The following CEP112 variants were observed in gnomAD, a reference collection of about 807,000 sequenced individuals.
CEP112 encodes centrosomal protein of 112 kDa.
CEP112 carries 127 observed loss-of-function variants against 153.0 expected under a neutral mutation model. The observed-to-expected ratio is 0.83, with a 90% CI of 0.72 to 0.96. CEP112 has a LOEUF of 0.96. Ranked by LOEUF, CEP112 falls within the 40% of genes least tolerant of loss-of-function variation. The probability of loss-of-function intolerance (pLI) is 0.00; values close to 1 mark genes in which losing one functional copy is unlikely to be tolerated. For missense variants in CEP112, 1,089 were observed against 1,101.2 expected (o/e 0.99, Z 0.16); for synonymous variants, 358 against 374.4 (o/e 0.96, Z 0.51).
rs576567896 is a variant in CEP112, at chr17:66,138,073, A to G, written c.471-5310T>C. 5.4e-3 allele frequency among the ~76,000 whole-genome samples: 826 copies of G among 152,298 alleles called. 6 individuals are homozygous for G. Among genetic ancestry groups the G allele is most frequent in the Non-Finnish European group, 7.2e-3 (490 of 68,036 alleles). On this transcript the variant is annotated intron_variant, in intron 4 of 26. Coordinates refer to ENST00000535342, the MANE Select transcript of CEP112 (RefSeq NM_001199165.4). ...CACAGAAAGTCAATCAATGAGATCA[A>G]TGAGACAATGAGTATTGCTAGGGAA... is the stretch of plus-strand genomic sequence containing the variant.
chr17:66,131,126 G>A (rs1313325487), intron 5 of CEP112, among the ~76,000 whole-genome samples: 1 of 152,064 alleles, frequency 6.6e-6, no homozygotes, highest in Non-Finnish European at 1.5e-5. Flanking sequence ...TTACTATGAA[G>A]TAATTTTTTT....
At chr17:65,970,357 GCCTATA>G (rs2062644992) in intron 17 of CEP112, among the ~76,000 whole-genome samples, 1 of 67,464 alleles carries the variant, frequency 1.5e-5, no homozygotes, top group East Asian at 2.3e-4. Context: ...TGCACTATGT[GCCTATA>G]TTACATGCAC....
At chr17:65,745,055 C>T (rs2051362730) in intron 22 of CEP112, among the ~76,000 whole-genome samples, 1 of 152,048 alleles carries the variant, frequency 6.6e-6, no homozygotes, top group African/African-American at 2.4e-5. Flanking sequence ...GTCTGGAGTC[C>T]CCCAGAGGCC....
intron 23 of CEP112, among the ~76,000 whole-genome samples, chr17:65,708,809 A>G (rs1181034101): frequency 6.6e-6 from 1 of 152,208 alleles, no homozygotes; most frequent in African/African-American, 2.4e-5. Context: ...TATTTGACCT[A>G]TCATCAAGGT....
chr17:66,019,656 AG>A (rs1357810461), intron 16 of CEP112, among the ~76,000 whole-genome samples: 7 of 152,256 alleles, frequency 4.6e-5, no homozygotes, highest in African/African-American at 1.7e-4. Context: ...AACAAATCTT[AG>A]TTACAGTGAA....
chr17:66,043,840 A>C (rs1306064304), intron 12 of CEP112, among the ~76,000 whole-genome samples: 1 of 152,176 alleles, frequency 6.6e-6, no homozygotes, highest in Non-Finnish European at 1.5e-5. Context: ...ACAACACTAG[A>C]CTCAACAAAA....
intron 2 of CEP112, among the ~76,000 whole-genome samples, chr17:66,180,157 T>A (rs2072659735): frequency 6.6e-6 from 1 of 152,156 alleles, no homozygotes; most frequent in Non-Finnish European, 1.5e-5. Flanking sequence ...CTTTCTTTGA[T>A]GTATCTTTGT....
chr17:65,969,610 T>C (rs2062567440), intron 17 of CEP112, among the ~76,000 whole-genome samples: 1 of 151,430 alleles, frequency 6.6e-6, no homozygotes, highest in South Asian at 2.1e-4. Context: ...GAATATTACA[T>C]GTGTGCCGCA....
chr17:66,109,128 G>A (rs1450111818), intron 6 of CEP112, among the ~76,000 whole-genome samples: 6 of 152,130 alleles, frequency 3.9e-5, no homozygotes, highest in Admixed American at 1.3e-4. Flanking sequence ...AAGGATAGAG[G>A]GGGTTGGGGA....
chr17:65,966,715 G>A (rs553547335), intron 17 of CEP112, among the ~76,000 whole-genome samples: 1 of 152,340 alleles, frequency 6.6e-6, no homozygotes, highest in Admixed American at 6.5e-5. Context: ...AAGCATGACA[G>A]ATGAATAAAC....
chr17:66,004,245 G>A (rs2145427531), intron 17 of CEP112, among the ~76,000 whole-genome samples: 1 of 152,116 alleles, frequency 6.6e-6, no homozygotes, highest in East Asian at 1.9e-4. Context: ...ACTTTGGGAG[G>A]CCGAGGCGGG....
At chr17:65,971,615 A>G (rs1332935918) in intron 17 of CEP112, among the ~76,000 whole-genome samples, 2 of 151,468 alleles carry the variant, frequency 1.3e-5, no homozygotes, top group Non-Finnish European at 1.5e-5. Flanking sequence ...TGCATATTAT[A>G]TGTATATCCC....
chr17:66,090,963 C>T (rs570589059), intron 8 of CEP112, among the ~76,000 whole-genome samples: 9 of 152,070 alleles, frequency 5.9e-5, no homozygotes, highest in African/African-American at 2.2e-4. Context: ...TGACAAAGGG[C>T]TCAAGTCATC....
intron 24 of CEP112, among the ~76,000 whole-genome samples, chr17:65,670,095 C>T (rs1002158845): frequency 6.6e-6 from 1 of 151,898 alleles, no homozygotes; most frequent in East Asian, 1.9e-4. Context: ...TGAATAAGTG[C>T]CTTCTCTTTT....
chr17:65,664,580 T>C (rs2046588247), intron 24 of CEP112, among the ~76,000 whole-genome samples: 1 of 152,132 alleles, frequency 6.6e-6, no homozygotes, highest in African/African-American at 2.4e-5. Flanking sequence ...ACGGAGATGA[T>C]GAATACAACT....
rs1555722412 is a variant in CEP112 at position 65,938,414 on chromosome 17, TA to T, written c.1873-10726del. 8.4e-3 allele frequency among the ~76,000 whole-genome samples: 446 copies of T among 52,880 alleles called. 2 individuals are homozygous for T. The highest frequency in any genetic ancestry group is 0.028 in the African/African-American group (377 of 13,482). The allele number at this position is 52,880 out of a possible 152,430, so 34.7% of individuals were successfully genotyped here. On this transcript the variant is annotated intron_variant, in intron 18 of 26. Coordinates refer to ENST00000535342, the MANE Select transcript of CEP112 (RefSeq NM_001199165.4). ...GGGAGAAACACCCAAGAATGATCAA[TA>T]AAAAAAAAAAAAAAAAAGAAAGAAA... is the stretch of plus-strand genomic sequence containing the variant.
At chr17:65,752,851 T>A (rs2051972029) in intron 21 of CEP112, among the ~76,000 whole-genome samples, 1 of 152,240 alleles carries the variant, frequency 6.6e-6, no homozygotes, top group South Asian at 2.1e-4. Flanking sequence ...TGATTTCTTA[T>A]GTGTATGGTT....
intron 12 of CEP112, among the ~76,000 whole-genome samples, chr17:66,041,511 T>C (rs1350791230): frequency 6.6e-6 from 1 of 152,156 alleles, no homozygotes; most frequent in Non-Finnish European, 1.5e-5. Context: ...ATACACAGGC[T>C]AGTATATACT....
At chr17:65,657,620 G>A (rs117659719) in intron 24 of CEP112, among the ~76,000 whole-genome samples, 3,225 of 152,282 alleles carry the variant, frequency 0.021, 52 homozygotes, top group Non-Finnish European at 0.032. Context: ...GAAAGAGGGT[G>A]ACTAGGCCTT....
Sources: allele counts gnomAD v4.1 joint callset (sites outside exome capture counted in the v4.1 genomes callset), GRCh38; gene constraint gnomAD v4.1.1; transcripts MANE v1.5; gene names NCBI Gene and HGNC (gene_info 2026-07-23, HGNC 2026-07-21).